Variants in TSPAN9 observed in about 807,000 individuals in gnomAD.
The protein encoded by TSPAN9 is tetraspanin-9.
TSPAN9 carries 16 observed loss-of-function variants against 31.0 expected under a neutral mutation model. The ratio of observed to expected loss-of-function variants is 0.52; its 90% CI spans 0.35 to 0.78. The LOEUF is 0.78. Among genes scored for constraint, TSPAN9 ranks in the 30% least tolerant of loss-of-function variants. The pLI is 0.01. For missense variants in TSPAN9, 272 were observed against 312.5 expected, an observed-to-expected ratio of 0.87 and a Z score of 0.98; for synonymous variants, 145 against 121.6, an observed-to-expected ratio of 1.19 and a Z score of -1.27.
chr12:3,208,533 C>T (rs1168025502), intron 3 of TSPAN9, among the ~76,000 whole-genome samples: 2 of 152,308 alleles, frequency 1.3e-5, no homozygotes, highest in South Asian at 2.1e-4. Context: ...AGTGCGGGGC[C>T]CCCACAGGCC....
At chr12:3,126,304 C>G (rs1591638909) in intron 2 of TSPAN9, among the ~76,000 whole-genome samples, 1 of 152,196 alleles carries the variant, frequency 6.6e-6, no homozygotes, top group East Asian at 1.9e-4. Flanking sequence ...GCGTGAACAT[C>G]AGAGTGCACT....
chr12:3,098,063 G>A (rs2098310019), intron 2 of TSPAN9, among the ~76,000 whole-genome samples: 1 of 152,244 alleles, frequency 6.6e-6, no homozygotes, highest in Non-Finnish European at 1.5e-5. Flanking sequence ...AGTGCAGAGT[G>A]CAGAGTGCAG....
At chr12:3,090,309 C>T (rs1202895088) in intron 2 of TSPAN9, among the ~76,000 whole-genome samples, 1 of 152,216 alleles carries the variant, frequency 6.6e-6, no homozygotes, top group Non-Finnish European at 1.5e-5. Flanking sequence ...AGTGGATTAA[C>T]ACAAACACCA....
intron 3 of TSPAN9, among the ~76,000 whole-genome samples, chr12:3,263,034 C>T (rs1431563829): frequency 1.3e-5 from 2 of 152,176 alleles, no homozygotes; most frequent in African/African-American, 4.8e-5. Context: ...GACACTTGGA[C>T]ATCACTTCCT....
At chr12:3,109,064 T>C (rs986866543) in intron 2 of TSPAN9, among the ~76,000 whole-genome samples, 4 of 151,834 alleles carry the variant, frequency 2.6e-5, no homozygotes, top group Non-Finnish European at 5.9e-5. Flanking sequence ...GCCTCCCGAG[T>C]AGCTGGGACT....
At chr12:3,261,964 G>T (rs1862458045) in intron 3 of TSPAN9, among the ~76,000 whole-genome samples, 1 of 152,252 alleles carries the variant, frequency 6.6e-6, no homozygotes, top group Non-Finnish European at 1.5e-5. Flanking sequence ...GGAAGGGGCA[G>T]AGTCTGCAGG....
At chr12:3,093,922 G>A (rs2153963535) in intron 2 of TSPAN9, among the ~76,000 whole-genome samples, 1 of 152,322 alleles carries the variant, frequency 6.6e-6, no homozygotes, top group African/African-American at 2.4e-5. Context: ...AAGTGCAGTA[G>A]CGCAATAATA....
At chr12:3,252,464 C>T (rs1003231634) in intron 3 of TSPAN9, among the ~76,000 whole-genome samples, 1 of 152,212 alleles carries the variant, frequency 6.6e-6, no homozygotes, top group East Asian at 1.9e-4. Flanking sequence ...AATCCCAGCC[C>T]CTGGGCTCCC....
At chr12:3,123,004 G>A (rs1050000392) in intron 2 of TSPAN9, among the ~76,000 whole-genome samples, 1 of 152,188 alleles carries the variant, frequency 6.6e-6, no homozygotes, top group Admixed American at 6.5e-5. Flanking sequence ...CCCTGGGGGA[G>A]AGGCAGGCAG....
chr12:3,138,313 C>T (rs913768705), intron 2 of TSPAN9, among the ~76,000 whole-genome samples: 6 of 152,028 alleles, frequency 3.9e-5, no homozygotes, highest in African/African-American at 7.3e-5. Context: ...AGAAGGAGAG[C>T]GAGCTCAGTC....
intron 2 of TSPAN9, among the ~76,000 whole-genome samples, chr12:3,196,395 G>A (rs76973956): frequency 1.3e-5 from 2 of 152,258 alleles, no homozygotes; most frequent in South Asian, 2.1e-4. Context: ...CAGGTTCCCC[G>A]TTGTGCTTTA....
At chr12:3,268,139 G>GCGTTC (rs1565639120) in intron 3 of TSPAN9, among the ~76,000 whole-genome samples, 2 of 138,608 alleles carry the variant, frequency 1.4e-5, no homozygotes, top group Admixed American at 7.6e-5. Context: ...TTCCGTAGGT[G>GCGTTC]CTGCAGCCTG....
chr12:3,220,205 A>G (rs934631412), intron 3 of TSPAN9, among the ~76,000 whole-genome samples: 1 of 151,706 alleles, frequency 6.6e-6, no homozygotes, highest in African/African-American at 2.4e-5. Context: ...ACTAGTAGTT[A>G]CCTGTAACAG....
chr12:3,281,423 A>G, intron 7 of TSPAN9, 94 bp downstream of exon 7: 1 of 1,384,966 alleles, frequency 7.2e-7, no homozygotes, highest in Admixed American at 3.0e-5. Flanking sequence ...CCGGGACACT[A>G]AGAGGTTGGC....
At chr12:3,086,882 G>A (rs927612595) in intron 2 of TSPAN9, among the ~76,000 whole-genome samples, 34 of 152,224 alleles carry the variant, frequency 2.2e-4, no homozygotes, top group African/African-American at 8.2e-4. Context: ...AGTGACCCTG[G>A]CTGTGCGCAC....
At chr12:3,197,381 G>T (rs974924467) in intron 2 of TSPAN9, among the ~76,000 whole-genome samples, 7 of 152,320 alleles carry the variant, frequency 4.6e-5, no homozygotes, top group African/African-American at 1.7e-4. Flanking sequence ...ATCAGGAGGC[G>T]ACTAGACATC....
At chr12:3,207,323 G>T (rs2098375838) in intron 3 of TSPAN9, among the ~76,000 whole-genome samples, 1 of 152,102 alleles carries the variant, frequency 6.6e-6, no homozygotes. Flanking sequence ...GCTGTGATAT[G>T]CCTGTTTATT....
chr12:3,242,375 G>A (rs2098397019), intron 3 of TSPAN9, among the ~76,000 whole-genome samples: 1 of 152,204 alleles, frequency 6.6e-6, no homozygotes, highest in Non-Finnish European at 1.5e-5. Flanking sequence ...GGAGCCCTGG[G>A]ATGCCACCCA....
At chr12:3,276,663 T>C (rs1591721312) in intron 3 of TSPAN9, among the ~76,000 whole-genome samples, 1 of 152,236 alleles carries the variant, frequency 6.6e-6, no homozygotes, top group African/African-American at 2.4e-5. Context: ...TTATTTTTCT[T>C]CGTGGCGCAT....
Sources: gnomAD v4.1 joint callset for allele counts (sites outside exome capture counted in the v4.1 genomes callset) on GRCh38, gnomAD v4.1.1 for gene constraint, MANE v1.5 for transcripts, NCBI Gene and HGNC (gene_info 2026-07-23, HGNC 2026-07-21) for gene names.